ENTPD3: variants seen among roughly 807,000 people sequenced by gnomAD.
The protein encoded by ENTPD3 is ectonucleoside triphosphate diphosphohydrolase 3, also known as CD39 antigen-like 3.
ENTPD3 carries 60 observed loss-of-function variants against 51.2 expected under a neutral mutation model. That is an observed-to-expected ratio of 1.17 (90% CI 0.95 to 1.45). The LOEUF is 1.45. Among genes scored for constraint, ENTPD3 ranks in the 40% most tolerant of loss-of-function variants. ENTPD3 has a pLI of 0.00. For synonymous variants in ENTPD3, 221 were observed against 238.4 expected, an observed-to-expected ratio of 0.93 and a Z score of 0.67; for missense variants, 593 against 641.1, an observed-to-expected ratio of 0.93 and a Z score of 0.81.
At chr3:40,402,119 TTTTC>T (rs1175964881) in intron 4 of ENTPD3, among the ~76,000 whole-genome samples, 5 of 90,182 alleles carry the variant, frequency 5.5e-5, no homozygotes, top group Non-Finnish European at 7.6e-5. Flanking sequence ...TCCTTTTTTT[TTTTC>T]TTTTTTTTTT....
chr3:40,396,358 A>G (rs1955199661), intron 3 of ENTPD3, among the ~76,000 whole-genome samples: 1 of 151,952 alleles, frequency 6.6e-6, no homozygotes, highest in Admixed American at 6.6e-5. Flanking sequence ...AGGGATTTTA[A>G]ATTATTTGTT....
In ENTPD3 at chr3:40,428,113, A is replaced by G. The variant is rs74608444; in HGVS notation, c.*605A>G. 0.043 allele frequency: 6,721 copies of G among 155,862 alleles called. 450 individuals carry two copies. The highest frequency in any genetic ancestry group is 0.15 in the African/African-American group (6,289 of 41,530). 9.7% of individuals were successfully genotyped at this position (155,862 alleles called of 1,614,324 possible). ...CACAGAGACATAAAAAAGGTCTCCC[A>G]GAAAACTATAGACCATTCTCCAAGT... On this transcript the variant is annotated 3_prime_UTR_variant, in exon 11 of 11. Transcript: ENST00000301825.
At chr3:40,425,866 T>C (rs1955970626) in intron 10 of ENTPD3, among the ~76,000 whole-genome samples, 1 of 150,962 alleles carries the variant, frequency 6.6e-6, no homozygotes, top group Admixed American at 6.6e-5. Flanking sequence ...CCATTTCACT[T>C]TAGCCTGGGC....
chr3:40,418,739 T>A (rs1955799920), intron 7 of ENTPD3, among the ~76,000 whole-genome samples: 1 of 152,166 alleles, frequency 6.6e-6, no homozygotes, highest in South Asian at 2.1e-4. Flanking sequence ...TTCCATTTTT[T>A]AAATGTATGA....
chr3:40,400,958 A>T lies in ENTPD3; in HGVS notation c.233A>T (p.Glu78Val). The part of the protein sequence containing the change: ...TTVYVYQWPA[E>V]KENNTGVVSQ... Reference sequence around the variant, plus strand: ...GTCTACGTGTATCAATGGCCAGCAGAAAAAGAGAATAATACCGGAGTGGTC... The same window carrying T: ...GTCTACGTGTATCAATGGCCAGCAGTAAAAGAGAATAATACCGGAGTGGTC... The change falls in exon 4 of 11, where the codon GAA (glutamate) becomes GTA (valine). Residue 78 changes from glutamate to valine, a missense_variant. By Grantham distance (121) the Glu-to-Val change is moderately radical (BLOSUM62 -2). Coordinates refer to ENST00000301825, the MANE Select transcript of ENTPD3 (RefSeq NM_001248.4). 1.2e-6 allele frequency: 2 copies of T among 1,613,856 alleles called. No homozygotes were observed. The highest frequency in any genetic ancestry group is 1.7e-6 in the Non-Finnish European group (2 of 1,180,000).
intron 4 of ENTPD3, among the ~76,000 whole-genome samples, chr3:40,402,082 A>G (rs1955370303): frequency 6.9e-6 from 1 of 144,732 alleles, no homozygotes; most frequent in African/African-American, 2.5e-5. Flanking sequence ...CTGCACTGAT[A>G]TGAGTAACTA....
rs376728926 is a variant in ENTPD3, at chr3:40,418,394, T to C, written c.831+2321T>C. On this transcript the variant is annotated intron_variant, in intron 7 of 10. Transcript: ENST00000301825. ...AAATTATTGCATTGTAAACACTGAC[T>C]GAGTAAATTCCATCAGTCTGGATCT... is the stretch of plus-strand genomic sequence containing the variant. 2.1e-4 allele frequency among the ~76,000 whole-genome samples: 32 copies of C among 152,340 alleles called. No homozygotes were observed. The East Asian group carries it at 5.4e-3, about 26-fold the overall frequency.
intron 3 of ENTPD3, 99 bp from the exon 4 acceptor site, chr3:40,400,795 G>C: frequency 3.6e-6 from 3 of 823,812 alleles, no homozygotes; most frequent in Non-Finnish European, 4.0e-6. Context: ...AAGCGAAGCA[G>C]TGTGGATTAA....
intron 7 of ENTPD3, among the ~76,000 whole-genome samples, chr3:40,421,728 A>G (rs1955876684): frequency 6.6e-6 from 1 of 152,244 alleles, no homozygotes; most frequent in Non-Finnish European, 1.5e-5. Context: ...AAAGATCTCA[A>G]AGATATATAA....
Position 40,387,253 on chromosome 3 carries a change from T to C in ENTPD3, c.-21T>C, listed in dbSNP as rs1388009160. 1.3e-5 allele frequency: 2 copies of C among 152,284 alleles called. No homozygotes were observed. The highest frequency in any genetic ancestry group is 4.8e-5 in the African/African-American group (2 of 41,436). 9.4% of individuals were successfully genotyped at this position (152,284 alleles called of 1,614,324 possible). A position where few individuals can be genotyped will look rare whatever the true frequency, so the allele number is the denominator to read the frequency against. ...CGCTAGTCGCCTTCTCCGAATCGGC[T>C]CCGCACAGGTAAGATCAGGGGACCC... On this transcript the variant is annotated 5_prime_UTR_variant, in exon 1 of 11. Coordinates refer to ENST00000301825, the MANE Select transcript of ENTPD3 (RefSeq NM_001248.4).
intron 4 of ENTPD3, among the ~76,000 whole-genome samples, chr3:40,407,637 T>C (rs756937816): frequency 6.6e-6 from 1 of 152,090 alleles, no homozygotes; most frequent in Non-Finnish European, 1.5e-5. Context: ...CCCCAGCTCA[T>C]CTAAGGAGTG....
chr3:40,416,946 C>T (rs1575228381), intron 7 of ENTPD3, among the ~76,000 whole-genome samples: 1 of 151,930 alleles, frequency 6.6e-6, no homozygotes, highest in South Asian at 2.1e-4. Flanking sequence ...AAGACAGGAA[C>T]AGACTCTATC....
At chr3:40,394,831 C>T (rs1374735109) in intron 3 of ENTPD3, among the ~76,000 whole-genome samples, 1 of 152,146 alleles carries the variant, frequency 6.6e-6, no homozygotes, top group Non-Finnish European at 1.5e-5. Flanking sequence ...ACCCTTAGAC[C>T]CTGATAGCTG....
intron 4 of ENTPD3, among the ~76,000 whole-genome samples, chr3:40,403,468 C>A (rs950390887): frequency 2.0e-5 from 3 of 152,076 alleles, no homozygotes; most frequent in Non-Finnish European, 4.4e-5. Flanking sequence ...TGTAATACCC[C>A]CTGTTGCTGC....
At chr3:40,403,654 T>A (rs1955423373) in intron 4 of ENTPD3, among the ~76,000 whole-genome samples, 1 of 53,548 alleles carries the variant, frequency 1.9e-5, no homozygotes, top group South Asian at 8.3e-4. Context: ...TTTCCTTTAA[T>A]TTTTTTTTTT....
At chr3:40,424,147 G>A (rs186813951) in intron 10 of ENTPD3, 184 bp downstream of exon 10, 2 of 985,402 alleles carry the variant, frequency 2.0e-6, no homozygotes, top group African/African-American at 1.7e-5. Flanking sequence ...AGTTGCTCAT[G>A]GGTATACATT....
chr3:40,426,566 T>C (rs1214189611), intron 10 of ENTPD3, among the ~76,000 whole-genome samples: 2 of 152,124 alleles, frequency 1.3e-5, no homozygotes, highest in Non-Finnish European at 2.9e-5. Context: ...AGATGTCAAA[T>C]TGAATTTTTA....
At chr3:40,397,219 T>C (rs531526251) in intron 3 of ENTPD3, among the ~76,000 whole-genome samples, 22 of 147,008 alleles carry the variant, frequency 1.5e-4, no homozygotes, top group African/African-American at 5.2e-4. Flanking sequence ...GACTTTACTT[T>C]CAAGGGACTT....
intron 7 of ENTPD3, among the ~76,000 whole-genome samples, chr3:40,420,962 C>A (rs549327949): frequency 3.2e-4 from 49 of 151,632 alleles, no homozygotes; most frequent in African/African-American, 1.2e-3. Flanking sequence ...TGAGACCAAC[C>A]TGGGTAACAC....
Sources: allele counts gnomAD v4.1 joint callset (sites outside exome capture counted in the v4.1 genomes callset), GRCh38; gene constraint gnomAD v4.1.1; transcripts MANE v1.5; gene names NCBI Gene and HGNC (gene_info 2026-07-23, HGNC 2026-07-21).